AGMO: variants seen among roughly 807,000 people sequenced by gnomAD.
The protein encoded by AGMO is alkylglycerol monooxygenase.
A neutral mutation model predicts 60.2 loss-of-function variants in AGMO; 75 were observed. The observed-to-expected ratio is 1.25, with a 90% CI of 1.03 to 1.51. The LOEUF (loss-of-function observed/expected upper bound fraction) is 1.51. AGMO is among the 40% of genes most tolerant of loss of function. The pLI is 0.00. For synonymous variants in AGMO, 261 were observed against 177.1 expected (o/e 1.47, Z -3.76); for missense variants, 763 against 525.5 (o/e 1.45, Z -4.42).
intron 12 of AGMO, among the ~76,000 whole-genome samples, chr7:15,364,295 T>C (rs116272169): frequency 0.014 from 2,109 of 152,080 alleles, 57 homozygotes; most frequent in African/African-American, 0.048. Context: ...TAGATATATT[T>C]ACATACATAC....
chr7:15,312,326 T>C (rs1427664228), intron 12 of AGMO, among the ~76,000 whole-genome samples: 1 of 151,940 alleles, frequency 6.6e-6, no homozygotes, highest in Non-Finnish European at 1.5e-5. Context: ...GTACATAATA[T>C]TAAAACAACA....
At chr7:15,190,876 C>A in the AGMO span, among the ~76,000 whole-genome samples, 3 of 151,754 alleles carry the variant, frequency 2.0e-5, no homozygotes, top group Non-Finnish European at 1.5e-5. Flanking sequence ...GAAAGAATAA[C>A]CAGACTGGGT....
At chr7:15,167,853 C>A in the AGMO span, among the ~76,000 whole-genome samples, 1 of 152,184 alleles carries the variant, frequency 6.6e-6, no homozygotes, top group African/African-American at 2.4e-5. Flanking sequence ...GCTGTGTCCT[C>A]AAGGAACACT....
intron 12 of AGMO, among the ~76,000 whole-genome samples, chr7:15,354,041 TA>T (rs1483005939): frequency 6.6e-6 from 1 of 152,020 alleles, no homozygotes; most frequent in East Asian, 1.9e-4. Context: ...AGAGAAGCAA[TA>T]CTATGTTCTA....
At chr7:15,497,666 A>G (rs1783268430) in intron 3 of AGMO, among the ~76,000 whole-genome samples, 1 of 152,090 alleles carries the variant, frequency 6.6e-6, no homozygotes, top group South Asian at 2.1e-4. Context: ...ACAAGAACAC[A>G]ATTAATTGAT....
intron 12 of AGMO, among the ~76,000 whole-genome samples, chr7:15,322,715 A>AAT (rs1164685199): frequency 2.7e-4 from 13 of 47,440 alleles, no homozygotes; most frequent in African/African-American, 1.3e-3. Flanking sequence ...AATATATATA[A>AAT]ATATATAAAT....
At position 15,354,343 on chromosome 7, in the gene AGMO, CGCGTGTATATAG is replaced by C. The variant is rs1563104883; in HGVS notation, c.1263+11159_1263+11170del. On this transcript the variant is annotated intron_variant, in intron 12 of 12. Transcript: ENST00000342526. ...GTATATACGTACGCGTGTATATACACGCGTGTATATAGACGTGTGTATATAGACGTGTGTATA... is the reference window on the plus strand; with the variant it reads ...GTATATACGTACGCGTGTATATACACACGTGTGTATATAGACGTGTGTATA... 5.3e-3 allele frequency among the ~76,000 whole-genome samples: 463 copies of C among 86,954 alleles called. 77 individuals are homozygous for C. In the East Asian group the frequency reaches 0.1, roughly 19 times the overall value. The allele number at this position is 86,954 out of a possible 152,430, so 57.0% of individuals were successfully genotyped here. A position where few individuals can be genotyped will look rare whatever the true frequency, so the allele number is the denominator to read the frequency against.
chr7:15,291,516 GA>G (rs1784263564), intron 12 of AGMO, among the ~76,000 whole-genome samples: 1 of 151,988 alleles, frequency 6.6e-6, no homozygotes, highest in Admixed American at 6.6e-5. Context: ...AAATATTAAG[GA>G]GAAAGAAACT....
At chr7:15,303,767 T>C (rs188402861) in intron 12 of AGMO, among the ~76,000 whole-genome samples, 3 of 152,252 alleles carry the variant, frequency 2.0e-5, no homozygotes, top group East Asian at 1.9e-4. Flanking sequence ...ACTTTAGAAA[T>C]GTTTGGTAGA....
chr7:15,220,235 G>A (rs1328899006), intron 12 of AGMO, among the ~76,000 whole-genome samples: 1 of 109,270 alleles, frequency 9.2e-6, no homozygotes, highest in Non-Finnish European at 1.7e-5. Flanking sequence ...TTTTTTTCCT[G>A]GAGATGGAGT....
At chr7:15,387,087 G>A (rs1448329128) in intron 9 of AGMO, among the ~76,000 whole-genome samples, 1 of 152,168 alleles carries the variant, frequency 6.6e-6, no homozygotes, top group Non-Finnish European at 1.5e-5. Context: ...AGGACTCTGT[G>A]TCTGAGCTGC....
chr7:15,443,366 G>A (rs1048660325), intron 3 of AGMO, among the ~76,000 whole-genome samples: 1 of 152,302 alleles, frequency 6.6e-6, no homozygotes, highest in East Asian at 1.9e-4. Flanking sequence ...GCTTTGAGCA[G>A]CAGGGCACCA....
chr7:15,451,397 C>T (rs1034590513), intron 3 of AGMO, among the ~76,000 whole-genome samples: 8 of 152,022 alleles, frequency 5.3e-5, no homozygotes, highest in Non-Finnish European at 8.8e-5. Flanking sequence ...ACTAGTTGGG[C>T]TGCTATAACA....
chr7:15,381,420 A>AG (rs1369755784), intron 10 of AGMO, among the ~76,000 whole-genome samples: 2 of 152,096 alleles, frequency 1.3e-5, no homozygotes, highest in African/African-American at 4.8e-5. Context: ...TCATATGAAA[A>AG]AAAAAAGTTC....
At chr7:15,467,653 C>G (rs1782330125) in intron 3 of AGMO, among the ~76,000 whole-genome samples, 1 of 151,992 alleles carries the variant, frequency 6.6e-6, no homozygotes, top group African/African-American at 2.4e-5. Flanking sequence ...ATAGAAAATC[C>G]AGAATTTTAC....
chr7:15,224,749 G>C (rs1182204550), intron 12 of AGMO, among the ~76,000 whole-genome samples: 1 of 151,910 alleles, frequency 6.6e-6, no homozygotes, highest in African/African-American at 2.4e-5. Context: ...TAATTAAATA[G>C]AGCTGTCCCA....
At chr7:15,221,631 C>G (rs536588203) in intron 12 of AGMO, among the ~76,000 whole-genome samples, 1 of 152,082 alleles carries the variant, frequency 6.6e-6, no homozygotes, top group Non-Finnish European at 1.5e-5. Flanking sequence ...TGTAGGCACA[C>G]TGGAAATTGT....
rs76269132 is a variant in AGMO, at chr7:15,385,435, A to T, written c.1074+11T>A. On this transcript the variant is annotated intron_variant, in intron 10 of 12. Coordinates refer to ENST00000342526, the MANE Select transcript of AGMO (RefSeq NM_001004320.2). The stretch of plus-strand genomic sequence containing the variant: ...AATGTTCTCACACTACTTAAAATGG[A>T]TATTACTTACAGCTGTATCTGCAAA... 2.0e-6 allele frequency: 3 copies of T among 1,491,272 alleles called. No individual in the cohort carries two copies. The highest frequency in any genetic ancestry group is 1.9e-6 in the Non-Finnish European group (2 of 1,072,898). 92.4% of individuals were successfully genotyped at this position (1,491,272 alleles called of 1,614,324 possible).
chr7:15,354,394 ACACG>A lies in AGMO; in HGVS notation c.1263+11116_1263+11119del, dbSNP rs1563105197. Among the ~76,000 whole-genome samples, 21 of 49,850 alleles carry A rather than the reference ACACG, an allele frequency of 4.2e-4. 1 individual carries two copies. The highest frequency in any genetic ancestry group is 2.1e-3 in the African/African-American group (13 of 6,320). The allele number at this position is 49,850 out of a possible 152,430, so 32.7% of individuals were successfully genotyped here. ...GACGTGTGTATACACGTGTGTGTAT[ACACG>A]TGTGTGTACACACGTGTGTGTATAC... On this transcript the variant is annotated intron_variant, in intron 12 of 12. Coordinates refer to ENST00000342526, the MANE Select transcript of AGMO (RefSeq NM_001004320.2).
Sources: gnomAD v4.1 joint callset for allele counts (sites outside exome capture counted in the v4.1 genomes callset) on GRCh38, gnomAD v4.1.1 for gene constraint, MANE v1.5 for transcripts, NCBI Gene and HGNC (gene_info 2026-07-23, HGNC 2026-07-21) for gene names.